PSMD1: variants seen among roughly 807,000 people sequenced by gnomAD.
PSMD1 encodes the protein proteasome 26S subunit, non-ATPase 1.
A neutral mutation model predicts 119.0 loss-of-function variants in PSMD1; 18 were observed. That is an observed-to-expected ratio of 0.15 (90% CI 0.10 to 0.22). The LOEUF (loss-of-function observed/expected upper bound fraction) is 0.22, where lower values mean the gene tolerates loss of function less well. PSMD1 is among the 10% of genes least tolerant of loss of function. PSMD1 has a pLI of 1.00. For synonymous variants in PSMD1, 374 were observed against 396.6 expected, an observed-to-expected ratio of 0.94 and a Z score of 0.68; for missense variants, 702 against 1,158.5, an observed-to-expected ratio of 0.61 and a Z score of 5.72.
At chr2:231,111,204 A>T (rs193129903) in intron 16 of PSMD1, among the ~76,000 whole-genome samples, 11 of 152,236 alleles carry the variant, frequency 7.2e-5, no homozygotes, top group Non-Finnish European at 1.3e-4. Context: ...TCTAATTATT[A>T]TTATTTGCAC....
chr2:231,139,595 A>C (rs1461111335), intron 17 of PSMD1, among the ~76,000 whole-genome samples: 1 of 150,904 alleles, frequency 6.6e-6, no homozygotes, highest in Non-Finnish European at 1.5e-5. Flanking sequence ...GAAGAAGAAA[A>C]TAAAATAGTT....
intron 16 of PSMD1, among the ~76,000 whole-genome samples, chr2:231,120,111 C>T (rs1695486771): frequency 1.3e-5 from 2 of 151,898 alleles, no homozygotes; most frequent in African/African-American, 2.4e-5. Context: ...ACCACCATGC[C>T]CAGCTAATTT....
chr2:231,092,477 A>G (rs1431909810), intron 16 of PSMD1, among the ~76,000 whole-genome samples: 1 of 152,174 alleles, frequency 6.6e-6, no homozygotes, highest in African/African-American at 2.4e-5. Flanking sequence ...GGTATGTCCC[A>G]TACCAGGTGT....
intron 17 of PSMD1, 38 bp downstream of exon 17, chr2:231,138,888 C>A (rs188877041): frequency 2.0e-6 from 3 of 1,471,436 alleles, no homozygotes; most frequent in African/African-American, 2.8e-5. Flanking sequence ...TCTTTCTTGG[C>A]GCCAGACTGT....
chr2:231,141,161 T>C (rs899746889), intron 17 of PSMD1, among the ~76,000 whole-genome samples: 1 of 151,570 alleles, frequency 6.6e-6, no homozygotes. Context: ...TACAAAAAAT[T>C]AGTGTGGTGG....
At chr2:231,126,913 G>T (rs1695735863) in intron 16 of PSMD1, among the ~76,000 whole-genome samples, 1 of 151,878 alleles carries the variant, frequency 6.6e-6, no homozygotes, top group Non-Finnish European at 1.5e-5. Flanking sequence ...TTATATAAAA[G>T]GATAGTTGAG....
At chr2:231,076,037 T>G (rs928645103) in intron 8 of PSMD1, among the ~76,000 whole-genome samples, 28 of 152,242 alleles carry the variant, frequency 1.8e-4, no homozygotes, top group African/African-American at 6.0e-4. Flanking sequence ...TAAAAATGAA[T>G]TTTCTGTAAA....
intron 16 of PSMD1, 94 bp downstream of exon 16, chr2:231,087,275 A>G (rs1694476255): frequency 1.1e-5 from 11 of 1,007,434 alleles, no homozygotes; most frequent in Non-Finnish European, 1.2e-5. Context: ...TAGTCACTAA[A>G]CAAAAACTAA....
chr2:231,095,687 G>T (rs1694706722), intron 16 of PSMD1, among the ~76,000 whole-genome samples: 1 of 152,168 alleles, frequency 6.6e-6, no homozygotes, highest in East Asian at 1.9e-4. Flanking sequence ...TCTCTGTCCT[G>T]TTCTGCAAGG....
intron 16 of PSMD1, among the ~76,000 whole-genome samples, chr2:231,087,622 A>G (rs1490695909): frequency 6.6e-6 from 1 of 152,192 alleles, no homozygotes; most frequent in Non-Finnish European, 1.5e-5. Flanking sequence ...TCTTTTACTT[A>G]TAGTCATGGA....
At chr2:231,099,152 G>A (rs62193725) in intron 16 of PSMD1, among the ~76,000 whole-genome samples, 33 of 152,250 alleles carry the variant, frequency 2.2e-4, no homozygotes, top group Non-Finnish European at 3.8e-4. Flanking sequence ...GACACTGAAC[G>A]GGGTTAGATA....
At chr2:231,165,414 A>G in intron 22 of PSMD1, 128 bp downstream of exon 22, 1 of 1,157,898 alleles carries the variant, frequency 8.6e-7, no homozygotes, top group Non-Finnish European at 1.1e-6. Context: ...TGTTGCCAGC[A>G]TGTAGAATCA....
chr2:231,112,814 A>G (rs1695199071), intron 16 of PSMD1, among the ~76,000 whole-genome samples: 1 of 151,668 alleles, frequency 6.6e-6, no homozygotes, highest in Non-Finnish European at 1.5e-5. Context: ...TCTTTTATAC[A>G]TAATTTCTGA....
chr2:231,076,916 C>T, intron 8 of PSMD1, 118 bp from the exon 9 acceptor site: 1 of 829,510 alleles, frequency 1.2e-6, no homozygotes. Flanking sequence ...AATAAATTAT[C>T]CTTTCTCTTA....
At chr2:231,104,974 G>C (rs1694945136) in intron 16 of PSMD1, among the ~76,000 whole-genome samples, 1 of 151,996 alleles carries the variant, frequency 6.6e-6, no homozygotes, top group African/African-American at 2.4e-5. Context: ...TGTTTTAAGA[G>C]TTTATTTCTT....
chr2:231,152,948 A>G (rs1696404219), intron 18 of PSMD1, among the ~76,000 whole-genome samples: 1 of 152,216 alleles, frequency 6.6e-6, no homozygotes, highest in South Asian at 2.1e-4. Flanking sequence ...AATTTTAGAA[A>G]ATGCAGAAAG....
At chr2:231,171,850 C>T (rs2125276095) in intron 24 of PSMD1, among the ~76,000 whole-genome samples, 1 of 152,142 alleles carries the variant, frequency 6.6e-6, no homozygotes, top group Admixed American at 6.5e-5. Context: ...GCCACCACGC[C>T]CGGCCAATTC....
intron 18 of PSMD1, among the ~76,000 whole-genome samples, chr2:231,152,959 G>A (rs1696404462): frequency 6.6e-6 from 1 of 152,016 alleles, no homozygotes; most frequent in East Asian, 1.9e-4. Flanking sequence ...ATGCAGAAAG[G>A]ATAAAGAATT....
intron 14 of PSMD1, 141 bp downstream of exon 14, chr2:231,083,904 A>G: frequency 1.2e-6 from 1 of 808,394 alleles, no homozygotes. Context: ...TATGAAGCCT[A>G]ATAGAATTTA....
Sources: allele counts gnomAD v4.1 joint callset (sites outside exome capture counted in the v4.1 genomes callset), GRCh38; gene constraint gnomAD v4.1.1; transcripts MANE v1.5; gene names NCBI Gene and HGNC (gene_info 2026-07-23, HGNC 2026-07-21).